Variants in COL8A1 observed in about 807,000 individuals in gnomAD.
COL8A1 encodes the protein collagen alpha-1(VIII) chain.
COL8A1 carries 21 observed loss-of-function variants against 42.7 expected under a neutral mutation model. That is an observed-to-expected ratio of 0.49 (90% CI 0.35 to 0.71). The LOEUF (loss-of-function observed/expected upper bound fraction) is 0.71. COL8A1 is among the 30% of genes least tolerant of loss of function. The pLI, the probability that COL8A1 is intolerant of heterozygous loss-of-function variation, is 0.01. For synonymous variants in COL8A1, 367 were observed against 369.1 expected (o/e 0.99, Z 0.06); for missense variants, 788 against 962.4 (o/e 0.82, Z 2.40).
chr3:99,797,253 AT>A lies in COL8A1; in HGVS notation c.*1118del, dbSNP rs1214089557. ...TAGCATGTATGCAAACTGATATGTA[AT>A]CTGAGGTTCCAAAGTCAATTTTTTT... On this transcript the variant is annotated 3_prime_UTR_variant, in exon 4 of 4. Coordinates refer to ENST00000652472, the MANE Select transcript of COL8A1 (RefSeq NM_020351.4). 6.6e-6 allele frequency: 1 copy of A among 152,096 alleles called. No individual in the cohort carries two copies. Among genetic ancestry groups the A allele is most frequent in the Non-Finnish European group, 1.5e-5 (1 of 68,002 alleles). 9.4% of individuals were successfully genotyped at this position (152,096 alleles called of 1,614,324 possible).
At chr3:99,784,062 A>C (rs780587348) in intron 2 of COL8A1, among the ~76,000 whole-genome samples, 1 of 152,196 alleles carries the variant, frequency 6.6e-6, no homozygotes, top group Non-Finnish European at 1.5e-5. Context: ...TAAGAGAAGA[A>C]TTCCTTATTT....
At chr3:99,687,325 A>T (rs1939092040) in intron 1 of COL8A1, among the ~76,000 whole-genome samples, 1 of 152,250 alleles carries the variant, frequency 6.6e-6, no homozygotes, top group Non-Finnish European at 1.5e-5. Flanking sequence ...CAAAATATTG[A>T]TAATAACAGT....
Position 99,689,770 on chromosome 3 carries a change from C to G in COL8A1, c.-129+51106C>G, listed in dbSNP as rs538388531. Among the ~76,000 whole-genome samples, 8 of 152,188 alleles carry G rather than the reference C, an allele frequency of 5.3e-5. No individual in the cohort carries two copies. In the South Asian group the frequency reaches 1.7e-3, roughly 32 times the overall value. On this transcript the variant is annotated intron_variant, in intron 1 of 3. Transcript: ENST00000652472. ...TTGAAAAACACAGACCTGGATGCAA[C>G]CAACATCAGCAAAGCCTGAATTTTT...
intron 1 of COL8A1, among the ~76,000 whole-genome samples, chr3:99,710,367 T>C (rs1939800261): frequency 6.6e-6 from 1 of 151,936 alleles, no homozygotes; most frequent in South Asian, 2.1e-4. Context: ...CACTCCACTA[T>C]CTCCGTCCCC....
At chr3:99,777,777 A>C (rs963449911) in intron 2 of COL8A1, among the ~76,000 whole-genome samples, 3 of 152,226 alleles carry the variant, frequency 2.0e-5, no homozygotes, top group African/African-American at 7.2e-5. Context: ...AAGCTGCCCC[A>C]ATTCTCCCTT....
intron 1 of COL8A1, among the ~76,000 whole-genome samples, chr3:99,704,303 T>C (rs554571715): frequency 1.3e-5 from 2 of 152,294 alleles, no homozygotes; most frequent in East Asian, 3.9e-4. Context: ...ATCTATTTAG[T>C]GCCTTAACAC....
At chr3:99,642,746 C>T (rs571148980) in intron 1 of COL8A1, among the ~76,000 whole-genome samples, 1 of 152,322 alleles carries the variant, frequency 6.6e-6, no homozygotes, top group Admixed American at 6.5e-5. Context: ...TTCTAAAGAA[C>T]CACTCATACT....
chr3:99,676,590 A>G (rs191577871), intron 1 of COL8A1, among the ~76,000 whole-genome samples: 1 of 152,276 alleles, frequency 6.6e-6, no homozygotes, highest in East Asian at 1.9e-4. Flanking sequence ...CCTTGACATG[A>G]CAAAGTGAAT....
chr3:99,698,779 G>A (rs149951265), intron 1 of COL8A1, among the ~76,000 whole-genome samples: 132 of 152,356 alleles, frequency 8.7e-4, no homozygotes, highest in African/African-American at 3.0e-3. Flanking sequence ...TAGAATGTAT[G>A]CTCCATAGGA....
At chr3:99,731,985 G>C (rs1436983038) in intron 1 of COL8A1, among the ~76,000 whole-genome samples, 1 of 152,102 alleles carries the variant, frequency 6.6e-6, no homozygotes, top group African/African-American at 2.4e-5. Flanking sequence ...GAGACAGCAA[G>C]GCTTGTTAAC....
intron 1 of COL8A1, among the ~76,000 whole-genome samples, chr3:99,682,485 C>T (rs1220657690): frequency 6.6e-6 from 1 of 152,018 alleles, no homozygotes; most frequent in African/African-American, 2.4e-5. Flanking sequence ...TTATAATCAC[C>T]TGCTCACTAA....
chr3:99,692,164 C>T (rs1297229770), intron 1 of COL8A1, among the ~76,000 whole-genome samples: 3 of 152,120 alleles, frequency 2.0e-5, no homozygotes, highest in African/African-American at 7.2e-5. Flanking sequence ...CCACCACCAC[C>T]ACCAAGTGTA....
chr3:99,738,733 G>C (rs1940808578), intron 1 of COL8A1, among the ~76,000 whole-genome samples: 1 of 120,372 alleles, frequency 8.3e-6, no homozygotes, highest in South Asian at 2.6e-4. Flanking sequence ...AGGCCTCCTT[G>C]AGCTGTGGTG....
intron 1 of COL8A1, among the ~76,000 whole-genome samples, chr3:99,649,963 G>T (rs939276067): frequency 6.6e-6 from 1 of 152,112 alleles, no homozygotes; most frequent in African/African-American, 2.4e-5. Context: ...TCCCAGGATT[G>T]TTAGTACCCT....
At chr3:99,786,959 A>G (rs1377686179) in intron 2 of COL8A1, among the ~76,000 whole-genome samples, 1 of 152,168 alleles carries the variant, frequency 6.6e-6, no homozygotes, top group Non-Finnish European at 1.5e-5. Flanking sequence ...AATCTTGTAC[A>G]AGTAGGAGGC....
intron 2 of COL8A1, among the ~76,000 whole-genome samples, chr3:99,753,561 T>C (rs1288319441): frequency 6.6e-6 from 1 of 152,216 alleles, no homozygotes; most frequent in Non-Finnish European, 1.5e-5. Context: ...TGAAGTCACA[T>C]GGATCACAAT....
chr3:99,658,752 C>A (rs751013376), intron 1 of COL8A1, among the ~76,000 whole-genome samples: 6 of 152,182 alleles, frequency 3.9e-5, no homozygotes, highest in African/African-American at 7.2e-5. Flanking sequence ...TCAAAGAAGT[C>A]AGAAAACAAG....
At chr3:99,764,061 G>A (rs947922629) in intron 2 of COL8A1, among the ~76,000 whole-genome samples, 1 of 152,136 alleles carries the variant, frequency 6.6e-6, no homozygotes, top group African/African-American at 2.4e-5. Flanking sequence ...TTTCTCTGTG[G>A]TAAGAACAGC....
At chr3:99,725,053 TGGCATGTAA>T (rs1940264721) in intron 1 of COL8A1, among the ~76,000 whole-genome samples, 1 of 152,094 alleles carries the variant, frequency 6.6e-6, no homozygotes, top group African/African-American at 2.4e-5. Flanking sequence ...ACACAGAGCC[TGGCATGTAA>T]GACATCCTCA....
Sources: gnomAD v4.1 joint callset for allele counts (sites outside exome capture counted in the v4.1 genomes callset) on GRCh38, gnomAD v4.1.1 for gene constraint, MANE v1.5 for transcripts, NCBI Gene and HGNC (gene_info 2026-07-23, HGNC 2026-07-21) for gene names.